Variants in ZNF48 observed in about 807,000 individuals in gnomAD.
ZNF48 encodes zinc finger protein 48, also known as zinc finger protein 553.
ZNF48 carries 20 observed loss-of-function variants against 40.0 expected under a neutral mutation model. The ratio of observed to expected loss-of-function variants is 0.50; its 90% CI spans 0.35 to 0.73. ZNF48 has a LOEUF of 0.73. Ranked by LOEUF, ZNF48 falls within the 30% of genes least tolerant of loss-of-function variation. ZNF48 has a pLI of 0.01. For missense variants in ZNF48, 726 were observed against 851.9 expected (o/e 0.85, Z 1.84); for synonymous variants, 298 against 329.7 (o/e 0.90, Z 1.04).
intron 1 of ZNF48, chr16:30,379,687 T>C: frequency 5.6e-6 from 3 of 535,574 alleles, no homozygotes; most frequent in Admixed American, 7.6e-5. Context: ...CTCACTCCAT[T>C]GCCCAGGCTG....
At chr16:30,394,028 CT>C (rs983887171), upstream of ZNF48, among the ~76,000 whole-genome samples, 7 of 151,470 alleles carry the variant, frequency 4.6e-5, no homozygotes, top group Non-Finnish European at 8.8e-5. Context: ...CATTCTCTCT[CT>C]CTTTTTTTTT....
rs2151112012 is a variant in ZNF48, at chr16:30,382,281, C to T, written c.-16+3871C>T. 6.2e-7 allele frequency: 1 copy of T among 1,613,680 alleles called. No individual in the cohort carries two copies. The highest frequency in any genetic ancestry group is 1.1e-5 in the South Asian group (1 of 91,064). On this transcript the variant is annotated intron_variant, in intron 1 of 2. Coordinates refer to the ZNF48 transcript ENST00000528032. The surrounding 1 kb of genome is among the most constrained non-coding windows in gnomAD (Gnocchi z 4.8). ...CTCTCCAAAACCCCCAGACCTGCCACCATTAGCGTGAAGTCAAACCCCTTC... is the reference window on the plus strand; with the variant it reads ...CTCTCCAAAACCCCCAGACCTGCCATCATTAGCGTGAAGTCAAACCCCTTC...
At position 30,399,311 on chromosome 16, in the gene ZNF48, G is replaced by A. The variant is rs571336995; in HGVS notation, c.*204G>A. ...GGCTGAGTCAGGACCTTGCCAGGACGGGCTGTACCCCTGGCTTCTAGAAGA... is the reference window on the plus strand; with the variant it reads ...GGCTGAGTCAGGACCTTGCCAGGACAGGCTGTACCCCTGGCTTCTAGAAGA... On this transcript the variant is annotated 3_prime_UTR_variant, in exon 3 of 3. Coordinates refer to ENST00000613509, the MANE Select transcript of ZNF48 (RefSeq NM_001214909.2). The A allele has an allele frequency of 9.3e-6, 5 of 539,272 alleles. No homozygotes were observed. Among genetic ancestry groups the A allele is most frequent in the South Asian group, 6.3e-5 (2 of 31,572 alleles). 33.4% of individuals were successfully genotyped at this position (539,272 alleles called of 1,614,324 possible). A position where few individuals can be genotyped will look rare whatever the true frequency, so the allele number is the denominator to read the frequency against.
Position 30,381,258 on chromosome 16 carries a change from T to G in ZNF48, c.-16+2848T>G, listed in dbSNP as rs1374505158. On this transcript the variant is annotated intron_variant, in intron 1 of 2. Transcript: ENST00000528032. This position sits in a 1 kb window ranked among gnomAD's most constrained non-coding sequence, Gnocchi z 4.3. ...AGGGGCCGGAGCCTGCACCCAGGGA[T>G]TGGTCATTGCCCAGCCTCAGGGGGC... is the stretch of plus-strand genomic sequence containing the variant. The G allele has an allele frequency of 3.7e-6, 6 of 1,613,502 alleles. No homozygotes were observed. In the Admixed American group the frequency reaches 5.0e-5, roughly 13 times the overall value.
At chr16:30,388,267 C>A (rs1013808173) in intron 1 of ZNF48, among the ~76,000 whole-genome samples, 1 of 152,286 alleles carries the variant, frequency 6.6e-6, no homozygotes, top group East Asian at 1.9e-4. Context: ...AGCCACCACG[C>A]CAGGCCTGTT....
chr16:30,394,356 G>A (rs1449916827), upstream of ZNF48, among the ~76,000 whole-genome samples: 1 of 152,152 alleles, frequency 6.6e-6, no homozygotes, highest in Non-Finnish European at 1.5e-5. Flanking sequence ...ATCATTGGCA[G>A]AGGGGCTGAA....
At position 30,389,758 on chromosome 16, in the gene ZNF48, G is replaced by A. The variant is rs144573792; in HGVS notation, c.-15-6022G>A. Among the ~76,000 whole-genome samples the A allele has an allele frequency of 2.1e-4, 31 of 147,970 alleles. No individual in the cohort carries two copies. In the East Asian group the frequency reaches 6.0e-3, roughly 29 times the overall value. On this transcript the variant is annotated intron_variant, in intron 1 of 2. Transcript: ENST00000528032. ...AGGCAGTACCTTGAGTTTCATATAG[G>A]GCAGTGTGTGGTGGACAGCTCTCTT...
rs760786944 is a variant in ZNF48, at chr16:30,382,374, G to A, written c.-16+3964G>A. The stretch of plus-strand genomic sequence containing the variant: ...CCCACGTACTCCTTGTCCTATGGAT[G>A]GGGGTGGACAATATGAGGCTGCTGG... On this transcript the variant is annotated intron_variant, in intron 1 of 2. Coordinates refer to the ZNF48 transcript ENST00000528032. This position sits in a 1 kb window ranked among gnomAD's most constrained non-coding sequence, Gnocchi z 4.8. The A allele has an allele frequency of 1.4e-4, 220 of 1,603,664 alleles. No individual in the cohort carries two copies. The highest frequency in any genetic ancestry group is 2.5e-4 in the Admixed American group (15 of 59,034).
upstream of ZNF48, among the ~76,000 whole-genome samples, chr16:30,393,691 A>G (rs934098727): frequency 1.3e-5 from 2 of 151,558 alleles, no homozygotes; most frequent in East Asian, 1.9e-4. Context: ...GGCCGGGTCC[A>G]TATAACTACC....
upstream of ZNF48, chr16:30,395,358 G>A (rs1352233873): frequency 8.9e-6 from 4 of 451,808 alleles, no homozygotes; most frequent in African/African-American, 6.0e-5. The surrounding 1 kb of genome is among the most constrained non-coding windows in gnomAD (Gnocchi z 5.9). Flanking sequence ...GACCCCCACA[G>A]GCCCGCAGCT....
chr16:30,389,252 C>T (rs942380527), intron 1 of ZNF48, among the ~76,000 whole-genome samples: 1 of 151,482 alleles, frequency 6.6e-6, no homozygotes, highest in Non-Finnish European at 1.5e-5. Context: ...ATTAGCTGGG[C>T]GTGGTAGTGG....
upstream of ZNF48, chr16:30,395,115 C>T (rs1391379641): frequency 2.3e-6 from 1 of 431,784 alleles, no homozygotes; most frequent in Non-Finnish European, 4.7e-6. This position sits in a 1 kb window ranked among gnomAD's most constrained non-coding sequence, Gnocchi z 5.9. Flanking sequence ...ATCCCTCTTT[C>T]TTTGTCTCTC....
chr16:30,391,670 A>T (rs1248259426), upstream of ZNF48, among the ~76,000 whole-genome samples: 1 of 144,958 alleles, frequency 6.9e-6, no homozygotes, highest in Non-Finnish European at 1.5e-5. Context: ...TAATTTTTGT[A>T]TTTTTTAGTA....
At position 30,395,909 on chromosome 16, in the gene ZNF48, A is replaced by T. The variant is rs924950687; in HGVS notation, c.79+36A>T. On this transcript the variant is annotated intron_variant, in intron 2 of 2. Coordinates refer to ENST00000613509, the MANE Select transcript of ZNF48 (RefSeq NM_001214909.2). This position sits in a 1 kb window ranked among gnomAD's most constrained non-coding sequence, Gnocchi z 5.9. Reference sequence around the variant, plus strand: ...CGGCCGTGCGCCGCCACGGACAGGTAACGGCCGGTGGGGACTGCGATGCTT... The same window carrying T: ...CGGCCGTGCGCCGCCACGGACAGGTTACGGCCGGTGGGGACTGCGATGCTT... 1 of 1,488,192 alleles carries T rather than the reference A, an allele frequency of 6.7e-7. No individual in the cohort carries two copies. Among genetic ancestry groups the T allele is most frequent in the African/African-American group, 1.4e-5 (1 of 71,270 alleles). 92.2% of individuals were successfully genotyped at this position (1,488,192 alleles called of 1,614,324 possible).
At chr16:30,378,690 G>A (rs755063266) in intron 1 of ZNF48, 2 of 1,608,116 alleles carry the variant, frequency 1.2e-6, no homozygotes, top group Non-Finnish European at 1.7e-6. Context: ...GCGCTCTGGC[G>A]GGAAAGCTTA....
intron 1 of ZNF48, among the ~76,000 whole-genome samples, chr16:30,389,866 T>C (rs2151115066): frequency 8.0e-6 from 1 of 124,900 alleles, no homozygotes. Context: ...AAACAGGGTC[T>C]TGTTCTGTTG....
upstream of ZNF48, among the ~76,000 whole-genome samples, chr16:30,393,702 T>G (rs1196540885): frequency 6.6e-6 from 1 of 151,854 alleles, no homozygotes; most frequent in Non-Finnish European, 1.5e-5. Context: ...TATAACTACC[T>G]TAACAGTCTC....
Position 30,382,377 on chromosome 16 carries a change from G to A in ZNF48, c.-16+3967G>A, listed in dbSNP as rs1227333253. The A allele has an allele frequency of 1.9e-6, 3 of 1,603,564 alleles. No individual in the cohort carries two copies. The highest frequency in any genetic ancestry group is 2.6e-6 in the Non-Finnish European group (3 of 1,173,220). ...ACGTACTCCTTGTCCTATGGATGGG[G>A]GTGGACAATATGAGGCTGCTGGCAA... is the stretch of plus-strand genomic sequence containing the variant. On this transcript the variant is annotated intron_variant, in intron 1 of 2. Coordinates refer to the ZNF48 transcript ENST00000528032. The surrounding 1 kb of genome is among the most constrained non-coding windows in gnomAD (Gnocchi z 4.8).
Position 30,382,360 on chromosome 16 carries a change from C to A in ZNF48, c.-16+3950C>A, listed in dbSNP as rs909485032. 3.1e-6 allele frequency: 5 copies of A among 1,611,148 alleles called. No individual in the cohort carries two copies. Among genetic ancestry groups the A allele is most frequent in the Non-Finnish European group, 4.2e-6 (5 of 1,178,356 alleles). ...GGAGGGCAGCAAAACCCACGTACTCCTTGTCCTATGGATGGGGGTGGACAA... is the reference window on the plus strand; with the variant it reads ...GGAGGGCAGCAAAACCCACGTACTCATTGTCCTATGGATGGGGGTGGACAA... On this transcript the variant is annotated intron_variant, in intron 1 of 2. Transcript: ENST00000528032. This position sits in a 1 kb window ranked among gnomAD's most constrained non-coding sequence, Gnocchi z 4.8.
Sources: allele counts gnomAD v4.1 joint callset (sites outside exome capture counted in the v4.1 genomes callset), GRCh38; gene constraint gnomAD v4.1.1; non-coding constraint Gnocchi (gnomAD v3.1); transcripts MANE v1.5; gene names NCBI Gene and HGNC (gene_info 2026-07-23, HGNC 2026-07-21).